Variants in FAM120A observed in about 807,000 individuals in gnomAD.
The protein encoded by FAM120A is family with sequence similarity 120 member A.
FAM120A carries 15 observed loss-of-function variants against 109.7 expected under a neutral mutation model. That is an observed-to-expected ratio of 0.14 (90% CI 0.09 to 0.21). FAM120A has a LOEUF of 0.21. Ranked by LOEUF, FAM120A falls within the 10% of genes least tolerant of loss-of-function variation. The pLI, the probability that FAM120A is intolerant of heterozygous loss-of-function variation, is 1.00. For synonymous variants in FAM120A, 493 were observed against 572.8 expected, an observed-to-expected ratio of 0.86 and a Z score of 1.99; for missense variants, 899 against 1,439.3, an observed-to-expected ratio of 0.62 and a Z score of 6.07.
intron 3 of FAM120A, among the ~76,000 whole-genome samples, chr9:93,485,725 G>T (rs1320964075): frequency 6.6e-6 from 1 of 151,662 alleles, no homozygotes; most frequent in African/African-American, 2.4e-5. Context: ...CCCTCTTGCT[G>T]TGTCTTTGAG....
At chr9:93,453,812 A>C (rs1327644730) in intron 1 of FAM120A, among the ~76,000 whole-genome samples, 1 of 152,236 alleles carries the variant, frequency 6.6e-6, no homozygotes, top group Non-Finnish European at 1.5e-5. Flanking sequence ...GAAGCGATCC[A>C]TCTCCCTAAT....
At chr9:93,494,479 G>T (rs1056313756) in intron 3 of FAM120A, among the ~76,000 whole-genome samples, 1 of 152,156 alleles carries the variant, frequency 6.6e-6, no homozygotes, top group East Asian at 1.9e-4. Flanking sequence ...GGACAGGGAG[G>T]TCATTTGCCT....
chr9:93,519,206 A>G lies in FAM120A; in HGVS notation c.1418+2937A>G, dbSNP rs1048001626. ...TGAACTCCAGAACTCTGGTCTTAAA[A>G]TATATTGATGGTAGAAATGTTTATA... On this transcript the variant is annotated intron_variant, in intron 7 of 17. Coordinates refer to ENST00000277165, the MANE Select transcript of FAM120A (RefSeq NM_014612.5). 9.2e-5 allele frequency among the ~76,000 whole-genome samples: 14 copies of G among 152,302 alleles called. No homozygotes were observed. The East Asian group carries it at 2.7e-3, about 29-fold the overall frequency.
At position 93,452,972 on chromosome 9, in the gene FAM120A, G is replaced by C; in HGVS notation, c.474+583G>C. 1 of 1,357,532 alleles carries C rather than the reference G, an allele frequency of 7.4e-7. No homozygotes were observed. The highest frequency in any genetic ancestry group is 1.5e-5 in the African/African-American group (1 of 67,298). 84.1% of individuals were successfully genotyped at this position (1,357,532 alleles called of 1,614,324 possible). On this transcript the variant is annotated intron_variant, in intron 1 of 17. Transcript: ENST00000277165. The surrounding 1 kb of genome is among the most constrained non-coding windows in gnomAD (Gnocchi z 7.0). ...CCTCTACTTCAGAACGCAGTGCCCT[G>C]TCCGTGTTCCTCTTAGTACAGGGTG...
chr9:93,476,460 C>A, intron 3 of FAM120A, 122 bp downstream of exon 3: 1 of 666,104 alleles, frequency 1.5e-6, no homozygotes. Context: ...CATGTTTTCC[C>A]ATAATTTCAG....
chr9:93,544,268 T>A (rs940442415), intron 11 of FAM120A, among the ~76,000 whole-genome samples: 5 of 152,246 alleles, frequency 3.3e-5, no homozygotes, highest in African/African-American at 1.2e-4. Flanking sequence ...CCCTACAAGA[T>A]GCTTCAGGCA....
At chr9:93,508,492 G>C (rs1860163849) in intron 5 of FAM120A, among the ~76,000 whole-genome samples, 1 of 152,206 alleles carries the variant, frequency 6.6e-6, no homozygotes, top group Admixed American at 6.5e-5. Flanking sequence ...GACTGACCTG[G>C]ATGCAGACCT....
At chr9:93,455,558 G>A (rs1234877450) in intron 1 of FAM120A, among the ~76,000 whole-genome samples, 1 of 152,196 alleles carries the variant, frequency 6.6e-6, no homozygotes, top group Non-Finnish European at 1.5e-5. Flanking sequence ...TATATATAAT[G>A]TTGAGTAAAT....
At chr9:93,469,294 T>C (rs1302982240) in intron 1 of FAM120A, among the ~76,000 whole-genome samples, 1 of 152,200 alleles carries the variant, frequency 6.6e-6, no homozygotes, top group Non-Finnish European at 1.5e-5. Flanking sequence ...GCCTCTGTTT[T>C]AGTTCTGCCC....
chr9:93,533,225 T>C (rs1861395875), intron 10 of FAM120A, among the ~76,000 whole-genome samples: 2 of 152,228 alleles, frequency 1.3e-5, no homozygotes, highest in Admixed American at 1.3e-4. Flanking sequence ...CCTCCTGAGA[T>C]GGTGAAGCTC....
intron 5 of FAM120A, among the ~76,000 whole-genome samples, chr9:93,507,435 G>A (rs1057108715): frequency 3.3e-5 from 5 of 152,148 alleles, no homozygotes; most frequent in African/African-American, 7.2e-5. Context: ...ATGTTGAGGC[G>A]CCTTCTAGGA....
At chr9:93,505,879 A>G (rs1860030064) in intron 5 of FAM120A, among the ~76,000 whole-genome samples, 1 of 130,156 alleles carries the variant, frequency 7.7e-6, no homozygotes, top group Admixed American at 7.9e-5. Flanking sequence ...ACTACCTGGC[A>G]CTGAATTTTG....
chr9:93,534,117 G>T (rs1056304166), intron 10 of FAM120A, among the ~76,000 whole-genome samples: 2 of 152,208 alleles, frequency 1.3e-5, no homozygotes, highest in African/African-American at 4.8e-5. Context: ...GGCTGATGGT[G>T]CTTCTCATGC....
chr9:93,513,047 A>G (rs1161979605), intron 5 of FAM120A, among the ~76,000 whole-genome samples: 1 of 152,238 alleles, frequency 6.6e-6, no homozygotes, highest in Non-Finnish European at 1.5e-5. Flanking sequence ...CGGGTGCTAC[A>G]TGAGTCTAGC....
At chr9:93,563,478 A>G (rs1298381122) in intron 17 of FAM120A, among the ~76,000 whole-genome samples, 1 of 152,212 alleles carries the variant, frequency 6.6e-6, no homozygotes, top group Non-Finnish European at 1.5e-5. Flanking sequence ...TAACGGGTGA[A>G]GACAACATGA....
intron 1 of FAM120A, among the ~76,000 whole-genome samples, chr9:93,457,799 T>C (rs1466305107): frequency 1.5e-5 from 2 of 134,306 alleles, no homozygotes; most frequent in African/African-American, 4.9e-5. Context: ...TCTAAATCTC[T>C]TCCTTTTTTT....
intron 3 of FAM120A, among the ~76,000 whole-genome samples, chr9:93,481,925 A>G (rs1309661512): frequency 1.3e-5 from 2 of 152,226 alleles, no homozygotes; most frequent in East Asian, 1.9e-4. Flanking sequence ...ATGGAACGCC[A>G]TCTTCTCTGT....
intron 3 of FAM120A, 59 bp from the exon 4 acceptor site, chr9:93,497,412 G>A: frequency 6.3e-7 from 1 of 1,595,462 alleles, no homozygotes; most frequent in Non-Finnish European, 8.5e-7. Context: ...CCTGCATTCA[G>A]ATTAGCCTGG....
intron 7 of FAM120A, chr9:93,523,256 T>C (rs1396509705): frequency 8.0e-7 from 1 of 1,243,082 alleles, no homozygotes; most frequent in Non-Finnish European, 1.1e-6. Context: ...AAGATGGTGT[T>C]GAATGTTTTT....
Sources: gnomAD v4.1 joint callset for allele counts (sites outside exome capture counted in the v4.1 genomes callset) on GRCh38, gnomAD v4.1.1 for gene constraint, Gnocchi (gnomAD v3.1) non-coding constraint, MANE v1.5 for transcripts, NCBI Gene and HGNC (gene_info 2026-07-23, HGNC 2026-07-21) for gene names.